The following SPIDR variants were observed in gnomAD, a reference collection of about 807,000 sequenced individuals.
SPIDR encodes the protein scaffold protein involved in DNA repair.
SPIDR carries 93 observed loss-of-function variants against 104.6 expected under a neutral mutation model. The ratio of observed to expected loss-of-function variants is 0.89; its 90% confidence interval spans 0.75 to 1.06. The LOEUF is 1.06. Ranked by LOEUF, SPIDR falls within the 50% of genes least tolerant of loss-of-function variation. SPIDR has a pLI of 0.00. For missense variants in SPIDR, 1,154 were observed against 1,111.2 expected, an observed-to-expected ratio of 1.04 and a Z score of -0.55; for synonymous variants, 431 against 416.9, an observed-to-expected ratio of 1.03 and a Z score of -0.41.
chr8:47,299,248 CTCTG>C (rs1271808025), intron 5 of SPIDR, among the ~76,000 whole-genome samples: 51 of 151,494 alleles, frequency 3.4e-4, no homozygotes, highest in African/African-American at 1.2e-3. Context: ...TGATTTGGCT[CTCTG>C]TCTGTTATTG....
chr8:47,300,401 A>G (rs980619588), intron 5 of SPIDR, among the ~76,000 whole-genome samples: 1 of 152,146 alleles, frequency 6.6e-6, no homozygotes, highest in Non-Finnish European at 1.5e-5. Flanking sequence ...TCAAAAAGCC[A>G]GCTCCTGGAT....
At chr8:47,465,558 C>T (rs960807071) in intron 8 of SPIDR, among the ~76,000 whole-genome samples, 3 of 152,100 alleles carry the variant, frequency 2.0e-5, no homozygotes, top group Non-Finnish European at 2.9e-5. Context: ...CATGGTGAAA[C>T]CCCATCTCTA....
intron 10 of SPIDR, among the ~76,000 whole-genome samples, chr8:47,617,993 G>T (rs967259556): frequency 5.9e-5 from 9 of 152,002 alleles, no homozygotes; most frequent in African/African-American, 1.5e-4. Context: ...CACAGCTTTG[G>T]GTACGCTATG....
Position 47,507,714 on chromosome 8 carries a change from G to C in SPIDR, c.1097+67172G>C, listed in dbSNP as rs71527676. On this transcript the variant is annotated intron_variant, in intron 8 of 19. Transcript: ENST00000297423. ...TCCTTCTCTGTAGCCCCAATACCCA[G>C]TTCATGTGGGTCCCATGGCCATGTT... Among the ~76,000 whole-genome samples, 813 of 152,298 alleles carry C rather than the reference G, an allele frequency of 5.3e-3. 3 individuals are homozygous for C. The highest frequency in any genetic ancestry group is 8.0e-3 in the Non-Finnish European group (545 of 68,014).
chr8:47,365,742 AATTC>A (rs1415824830), intron 5 of SPIDR, among the ~76,000 whole-genome samples: 1 of 152,162 alleles, frequency 6.6e-6, no homozygotes, highest in Non-Finnish European at 1.5e-5. Context: ...TTATGCTGTT[AATTC>A]ATTCATGCAG....
intron 10 of SPIDR, among the ~76,000 whole-genome samples, chr8:47,611,587 A>C (rs1385019419): frequency 6.6e-6 from 1 of 152,062 alleles, no homozygotes; most frequent in Non-Finnish European, 1.5e-5. Context: ...AGTCCCAGCT[A>C]CTTGGGAGGC....
intron 8 of SPIDR, among the ~76,000 whole-genome samples, chr8:47,588,161 A>T (rs1176122503): frequency 7.1e-6 from 1 of 140,778 alleles, no homozygotes; most frequent in Non-Finnish European, 1.5e-5. Context: ...CCATTTGGGG[A>T]GCTCCTTGAT....
At chr8:47,572,628 A>G (rs1201414492) in intron 8 of SPIDR, among the ~76,000 whole-genome samples, 4 of 151,714 alleles carry the variant, frequency 2.6e-5, no homozygotes, top group Non-Finnish European at 5.9e-5. Flanking sequence ...CGCCACTGCC[A>G]CTCCTGCCTG....
intron 10 of SPIDR, among the ~76,000 whole-genome samples, chr8:47,601,117 T>C (rs1233539522): frequency 1.3e-5 from 2 of 152,326 alleles, no homozygotes; most frequent in East Asian, 3.9e-4. Flanking sequence ...ACATATCTAA[T>C]GAGAATATCC....
At chr8:47,543,756 T>C (rs940204289) in intron 8 of SPIDR, among the ~76,000 whole-genome samples, 1 of 152,152 alleles carries the variant, frequency 6.6e-6, no homozygotes, top group Non-Finnish European at 1.5e-5. Context: ...CTGAAAACCC[T>C]CATAGCACAT....
intron 5 of SPIDR, among the ~76,000 whole-genome samples, chr8:47,327,541 C>T (rs2047892621): frequency 6.6e-6 from 1 of 152,090 alleles, no homozygotes; most frequent in African/African-American, 2.4e-5. Context: ...GCTGGGACTA[C>T]AGGCACGCAC....
intron 8 of SPIDR, among the ~76,000 whole-genome samples, chr8:47,506,768 G>C (rs2081549690): frequency 6.6e-6 from 1 of 152,158 alleles, no homozygotes; most frequent in Non-Finnish European, 1.5e-5. Context: ...CCAAACCTGA[G>C]TAGGCATATC....
At chr8:47,504,887 C>T (rs537770617) in intron 8 of SPIDR, among the ~76,000 whole-genome samples, 29 of 152,272 alleles carry the variant, frequency 1.9e-4, no homozygotes, top group South Asian at 1.2e-3. Context: ...TGGAGTTTGC[C>T]GGAGGTCCAC....
intron 7 of SPIDR, among the ~76,000 whole-genome samples, chr8:47,424,365 C>T (rs546146421): frequency 1.3e-5 from 2 of 152,138 alleles, no homozygotes; most frequent in African/African-American, 4.8e-5. Flanking sequence ...AGTACAGTGG[C>T]ACCATCACAA....
chr8:47,413,767 A>G (rs566548170), intron 7 of SPIDR, among the ~76,000 whole-genome samples: 1 of 152,310 alleles, frequency 6.6e-6, no homozygotes, highest in African/African-American at 2.4e-5. Flanking sequence ...CTACGTATTA[A>G]ATCATTTCAT....
intron 8 of SPIDR, among the ~76,000 whole-genome samples, chr8:47,535,905 T>C (rs997057736): frequency 1.3e-5 from 2 of 152,104 alleles, no homozygotes; most frequent in Non-Finnish European, 2.9e-5. Context: ...ATAACGTGAT[T>C]GTGTATGTAG....
chr8:47,396,635 A>T lies in SPIDR; in HGVS notation c.776+9A>T. On this transcript the variant is annotated intron_variant, in intron 6 of 19. Coordinates refer to ENST00000297423, the MANE Select transcript of SPIDR (RefSeq NM_001080394.4). ...AAGAAGAAGCTTTTAAGGTTAAATT[A>T]TACCCTTTTAAATACTCTTTTTAAA... 1 of 1,598,946 alleles carries T rather than the reference A, an allele frequency of 6.3e-7. No individual in the cohort carries two copies. Among genetic ancestry groups the T allele is most frequent in the Non-Finnish European group, 8.5e-7 (1 of 1,175,038 alleles).
intron 7 of SPIDR, among the ~76,000 whole-genome samples, chr8:47,435,598 A>G (rs1044145287): frequency 1.3e-5 from 2 of 151,940 alleles, no homozygotes; most frequent in South Asian, 2.1e-4. Context: ...TTGCTATTGT[A>G]TATTAGTATT....
At chr8:47,700,829 G>A (rs559269037) in intron 12 of SPIDR, among the ~76,000 whole-genome samples, 1 of 152,260 alleles carries the variant, frequency 6.6e-6, no homozygotes, top group Admixed American at 6.5e-5. Flanking sequence ...TTTTTCCCAC[G>A]AACTTCTAGT....
Sources: allele counts gnomAD v4.1 joint callset (sites outside exome capture counted in the v4.1 genomes callset), GRCh38; gene constraint gnomAD v4.1.1; transcripts MANE v1.5; gene names NCBI Gene and HGNC (gene_info 2026-07-23, HGNC 2026-07-21).